DIP2C: variants seen among roughly 807,000 people sequenced by gnomAD.
DIP2C encodes the protein DIP2 acetate--CoA ligase C (putative).
A neutral mutation model predicts 192.4 loss-of-function variants in DIP2C; 33 were observed. The observed-to-expected ratio is 0.17, with a 90% CI of 0.13 to 0.23. DIP2C has a LOEUF of 0.23. DIP2C is among the 10% of genes least tolerant of loss of function. DIP2C has a pLI of 1.00. For missense variants in DIP2C, 1,537 were observed against 2,110.1 expected, an observed-to-expected ratio of 0.73 and a Z score of 5.32; for synonymous variants, 979 against 864.1, an observed-to-expected ratio of 1.13 and a Z score of -2.33.
intron 1 of DIP2C, among the ~76,000 whole-genome samples, chr10:523,137 G>A (rs542877437): frequency 6.6e-4 from 100 of 150,432 alleles, no homozygotes; most frequent in African/African-American, 2.2e-3. Context: ...CCACACACTC[G>A]TTTCTACCTT....
In DIP2C at chr10:281,234, A is replaced by C; in HGVS notation, c.4384T>G (p.Ser1462Ala). The stretch of plus-strand genomic sequence containing the variant: ...ACGCTTTTATGGGCTCTGATGACCG[A>C]GGTCTCAATGTCGATTGGGTGGTAC... Reference protein sequence around the residue: ...MRYHPIDIETSVIRAHKSVTE... With the variant: ...MRYHPIDIETAVIRAHKSVTE... Residue 1462 changes from serine to alanine, a missense_variant, in exon 36 of 37, where the codon TCG becomes GCG. Ser to Ala is a moderately conservative substitution (Grantham distance 99). Coordinates refer to ENST00000280886, the MANE Select transcript of DIP2C (RefSeq NM_014974.3). 1 of 1,614,140 alleles carries C rather than the reference A, an allele frequency of 6.2e-7. No homozygotes were observed. The highest frequency in any genetic ancestry group is 2.2e-5 in the East Asian group (1 of 44,876).
chr10:574,647 G>A (rs1234790742), intron 1 of DIP2C, among the ~76,000 whole-genome samples: 2 of 152,204 alleles, frequency 1.3e-5, no homozygotes, highest in African/African-American at 4.8e-5. Context: ...AACACAATCT[G>A]CCCCAGCACT....
chr10:582,578 G>GT (rs1205577698), intron 1 of DIP2C, among the ~76,000 whole-genome samples: 4 of 152,142 alleles, frequency 2.6e-5, no homozygotes, highest in African/African-American at 7.2e-5. Context: ...GCAAGACCCT[G>GT]TCTCAGAAAA....
At chr10:528,667 T>C (rs1441196216) in intron 1 of DIP2C, among the ~76,000 whole-genome samples, 2 of 152,184 alleles carry the variant, frequency 1.3e-5, no homozygotes, top group Non-Finnish European at 1.5e-5. Context: ...CATCAGCACC[T>C]GTAGGGTCCT....
At chr10:409,385 G>C (rs1965031737) in intron 8 of DIP2C, among the ~76,000 whole-genome samples, 1 of 152,170 alleles carries the variant, frequency 6.6e-6, no homozygotes, top group African/African-American at 2.4e-5. Flanking sequence ...GACACCATCA[G>C]GGAGCGGGAG....
At chr10:384,711 AT>A in intron 14 of DIP2C, 72 bp from the exon 15 acceptor site, 1 of 1,500,008 alleles carries the variant, frequency 6.7e-7, no homozygotes, top group Non-Finnish European at 9.2e-7. Context: ...ACCCAGTGGC[AT>A]GGACACTAGG....
chr10:427,885 A>C (rs959907966), intron 4 of DIP2C, among the ~76,000 whole-genome samples: 1 of 152,228 alleles, frequency 6.6e-6, no homozygotes, highest in Non-Finnish European at 1.5e-5. Context: ...AACTTACAAT[A>C]AGAGTCAATC....
intron 28 of DIP2C, 97 bp downstream of exon 28, chr10:344,712 A>G (rs1367894203): frequency 3.1e-6 from 3 of 977,166 alleles, no homozygotes; most frequent in Non-Finnish European, 4.7e-6. Context: ...TCTCAGTCTG[A>G]CTACACGAGA....
intron 17 of DIP2C, among the ~76,000 whole-genome samples, chr10:379,058 C>CTAT (rs1227249929): frequency 6.6e-6 from 1 of 152,210 alleles, no homozygotes; most frequent in East Asian, 1.9e-4. Flanking sequence ...GAACCAATGG[C>CTAT]ATAAGCTCTG....
rs71376842 is a variant in DIP2C, at chr10:603,298, C to CAAAAAAA, written c.85+86189_85+86195dup. 4.7e-3 allele frequency among the ~76,000 whole-genome samples: 214 copies of CAAAAAAA among 45,872 alleles called. 32 individuals carry two copies. The highest frequency in any genetic ancestry group is 9.6e-3 in the African/African-American group (78 of 8,134). The allele number at this position is 45,872 out of a possible 152,430, so 30.1% of individuals were successfully genotyped here. ...TGGGTGACAGAATGAGACTCCATCT[C>CAAAAAAA]AAAAAAAAAAAAAAAAAAAAAAAAA... On this transcript the variant is annotated intron_variant, in intron 1 of 36. Transcript: ENST00000280886.
intron 13 of DIP2C, among the ~76,000 whole-genome samples, chr10:389,312 T>G (rs1288413707): frequency 6.6e-6 from 1 of 151,342 alleles, no homozygotes; most frequent in East Asian, 1.9e-4. Context: ...ATGGGGGGAG[T>G]CTCTGGGGTC....
At chr10:394,640 G>A (rs1963818379) in intron 10 of DIP2C, among the ~76,000 whole-genome samples, 1 of 146,992 alleles carries the variant, frequency 6.8e-6, no homozygotes. Context: ...AGGACATTAT[G>A]CCACACAGTG....
chr10:640,498 C>A (rs1389751083), intron 1 of DIP2C, among the ~76,000 whole-genome samples: 5 of 152,178 alleles, frequency 3.3e-5, no homozygotes, highest in Non-Finnish European at 5.9e-5. Context: ...TTTCTTACTG[C>A]ACCTCAATAA....
intron 1 of DIP2C, among the ~76,000 whole-genome samples, chr10:658,176 C>G (rs1314654085): frequency 2.9e-5 from 4 of 139,660 alleles, no homozygotes; most frequent in Non-Finnish European, 6.2e-5. Context: ...TGGACCTGTC[C>G]CTGGACCTCA....
At chr10:520,489 G>A (rs1192404844) in intron 1 of DIP2C, among the ~76,000 whole-genome samples, 2 of 152,218 alleles carry the variant, frequency 1.3e-5, no homozygotes, top group Non-Finnish European at 2.9e-5. Flanking sequence ...ACTTTTACAT[G>A]AGATGCACAT....
At chr10:552,754 C>A (rs1051324001) in intron 1 of DIP2C, among the ~76,000 whole-genome samples, 2 of 152,194 alleles carry the variant, frequency 1.3e-5, no homozygotes, top group Non-Finnish European at 2.9e-5. Context: ...GAGGCTGAGG[C>A]AGGAGAACAG....
At chr10:472,683 A>G in intron 2 of DIP2C, 134 bp from the exon 3 acceptor site, 1 of 752,770 alleles carries the variant, frequency 1.3e-6, no homozygotes, top group South Asian at 1.7e-5. Flanking sequence ...GGCGCCTCAG[A>G]GCCCACAGAC....
At chr10:600,539 T>TA (rs1415709542) in intron 1 of DIP2C, among the ~76,000 whole-genome samples, 1 of 151,472 alleles carries the variant, frequency 6.6e-6, no homozygotes, top group Non-Finnish European at 1.5e-5. Flanking sequence ...CTGTCCACCT[T>TA]AAAGAGGACG....
At chr10:470,806 C>G (rs1432535570) in intron 3 of DIP2C, among the ~76,000 whole-genome samples, 2 of 152,228 alleles carry the variant, frequency 1.3e-5, no homozygotes, top group African/African-American at 4.8e-5. Context: ...AGCCATTGGA[C>G]AGCCTCCCTG....
Sources: allele counts gnomAD v4.1 joint callset (sites outside exome capture counted in the v4.1 genomes callset), GRCh38; gene constraint gnomAD v4.1.1; transcripts MANE v1.5; gene names NCBI Gene and HGNC (gene_info 2026-07-23, HGNC 2026-07-21).